Variants in LIF observed in about 807,000 individuals in gnomAD.
The protein encoded by LIF is LIF interleukin 6 family cytokine.
Under a neutral mutation model 15.0 loss-of-function variants are expected in LIF, and 9 were observed. The ratio of observed to expected loss-of-function variants is 0.60; its 90% CI spans 0.36 to 1.04. The LOEUF is 1.04. LIF is among the 50% of genes least tolerant of loss of function. The pLI, the probability that LIF is intolerant of heterozygous loss-of-function variation, is 0.01. For synonymous variants in LIF, 122 were observed against 119.7 expected, an observed-to-expected ratio of 1.02 and a Z score of -0.13; for missense variants, 240 against 266.7, an observed-to-expected ratio of 0.90 and a Z score of 0.70.
chr22:30,246,757 C>G lies in LIF; in HGVS notation c.-62G>C. On this transcript the variant is annotated 5_prime_UTR_variant, in exon 1 of 3. The change abolishes an upstream ATG in the 5' untranslated region. Transcript: ENST00000249075. ...CAGATGCCGGCAGTTTTCAGAGGTT[C>G]ATGCTCAAATGGGGAATTTGCCTGA... is the stretch of plus-strand genomic sequence containing the variant. 6.5e-7 allele frequency: 1 copy of G among 1,534,176 alleles called. No individual in the cohort carries two copies. The highest frequency in any genetic ancestry group is 8.8e-7 in the Non-Finnish European group (1 of 1,131,534).
rs368411105 is a variant in LIF, at chr22:30,243,701, G to A, written c.559C>T (p.Leu187Phe). The A allele has an allele frequency of 2.5e-6, 4 of 1,614,150 alleles. No homozygotes were observed. The highest frequency in any genetic ancestry group is 2.7e-5 in the African/African-American group (2 of 74,950). The part of the protein sequence containing the change: ...VFQKKKLGCQ[L>F]LGKYKQIIAV... Reference sequence around the variant, plus strand: ...ATGATCTGCTTATACTTCCCCAGGAGTTGACAGCCCAGCTTCTTCTTCTGG... The same window carrying A: ...ATGATCTGCTTATACTTCCCCAGGAATTGACAGCCCAGCTTCTTCTTCTGG... Residue 187 changes from leucine to phenylalanine, a missense_variant, in exon 3 of 3, where the codon CTC (leucine) becomes TTC (phenylalanine). Coordinates refer to ENST00000249075, the MANE Select transcript of LIF (RefSeq NM_002309.5). The surrounding 1 kb of genome is among the most constrained non-coding windows in gnomAD (Gnocchi z 6.0).
intron 1 of LIF, chr22:30,246,055 C>T (rs1928876845): frequency 2.0e-5 from 3 of 152,436 alleles, no homozygotes; most frequent in Non-Finnish European, 4.4e-5. Flanking sequence ...ACAGCGGGGA[C>T]AGGGGCCTCC....
intron 1 of LIF, 57 bp downstream of exon 1, chr22:30,246,620 G>C: frequency 2.6e-6 from 4 of 1,537,780 alleles, no homozygotes; most frequent in Non-Finnish European, 3.5e-6. Context: ...AGCGCCCCAA[G>C]TTGCCGCCGC....
At chr22:30,244,554 T>G (rs1191981399) in intron 2 of LIF, among the ~76,000 whole-genome samples, 1 of 152,120 alleles carries the variant, frequency 6.6e-6, no homozygotes, top group East Asian at 1.9e-4. Flanking sequence ...CTCCCCTTGC[T>G]AACTGGGCAC....
In LIF at chr22:30,244,786, T is replaced by C. The variant is rs780802848; in HGVS notation, c.167A>G (p.Asn56Ser). The C allele has an allele frequency of 1.9e-6, 3 of 1,614,170 alleles. No individual in the cohort carries two copies. The highest frequency in any genetic ancestry group is 1.7e-6 in the Non-Finnish European group (2 of 1,179,982). ...AATAAAGAGGGCATTGGCACTGCCA[T>C]TGAGCTGTGCCAGTTGGCTCCTGAT... ...NQIRSQLAQL[N>S]GSANALFILY... The change falls in exon 2 of 3, where the codon AAT becomes AGT. Residue 56 changes from asparagine (N) to serine (S), a missense_variant. By Grantham distance (46) the Asn-to-Ser change is conservative (BLOSUM62 1). Coordinates refer to ENST00000249075, the MANE Select transcript of LIF (RefSeq NM_002309.5).
chr22:30,240,945 G>A lies in LIF; in HGVS notation c.*2706C>T, dbSNP rs1422389971. ...GAGGAGAGACAAGTAAACTAGCAGT[G>A]CTTTTTAAAAAAATGTTTAAATAAT... is the stretch of plus-strand genomic sequence containing the variant. On this transcript the variant is annotated 3_prime_UTR_variant, in exon 3 of 3. Coordinates refer to ENST00000249075, the MANE Select transcript of LIF (RefSeq NM_002309.5). The A allele has an allele frequency of 6.6e-6, 1 of 152,206 alleles. No individual in the cohort carries two copies. The highest frequency in any genetic ancestry group is 1.5e-5 in the Non-Finnish European group (1 of 68,052). 9.4% of individuals were successfully genotyped at this position (152,206 alleles called of 1,614,324 possible). A position where few individuals can be genotyped will look rare whatever the true frequency, so the allele number is the denominator to read the frequency against.
Position 30,243,582 on chromosome 22 carries a change from G to C in LIF, c.*69C>G. 6.2e-7 allele frequency: 1 copy of C among 1,600,390 alleles called. No individual in the cohort carries two copies. Among genetic ancestry groups the C allele is most frequent in the Non-Finnish European group, 8.5e-7 (1 of 1,170,380 alleles). ...GATGCCCTGGGCCCCAGCCACCCTT[G>C]GACAGGCCCCCACATCTGGACCCAA... On this transcript the variant is annotated 3_prime_UTR_variant, in exon 3 of 3. Coordinates refer to ENST00000249075, the MANE Select transcript of LIF (RefSeq NM_002309.5). This position sits in a 1 kb window ranked among gnomAD's most constrained non-coding sequence, Gnocchi z 6.0.
Position 30,242,685 on chromosome 22 carries a change from G to C in LIF, c.*966C>G, listed in dbSNP as rs1424319315. The C allele has an allele frequency of 6.5e-6, 1 of 152,694 alleles. No homozygotes were observed. Among genetic ancestry groups the C allele is most frequent in the Non-Finnish European group, 1.5e-5 (1 of 68,038 alleles). The allele number at this position is 152,694 out of a possible 1,614,324, so 9.5% of individuals were successfully genotyped here. A position where few individuals can be genotyped will look rare whatever the true frequency, so the allele number is the denominator to read the frequency against. On this transcript the variant is annotated 3_prime_UTR_variant, in exon 3 of 3. Coordinates refer to ENST00000249075, the MANE Select transcript of LIF (RefSeq NM_002309.5). ...TGCTGTTCCCTTGCCCTGGGGACCA[G>C]AGACGGCCTCCAGTCCCCCTCAAGT...
intron 1 of LIF, among the ~76,000 whole-genome samples, 200 bp from the exon 2 acceptor site, chr22:30,245,133 G>A (rs1928833671): frequency 6.6e-6 from 1 of 152,142 alleles, no homozygotes; most frequent in Non-Finnish European, 1.5e-5. Flanking sequence ...CTCTACCTTA[G>A]TTCTCCCTGC....
chr22:30,246,600 C>G, intron 1 of LIF, 77 bp downstream of exon 1: 1 of 1,518,924 alleles, frequency 6.6e-7, no homozygotes, highest in Non-Finnish European at 8.8e-7. Flanking sequence ...GCGTCCGGCT[C>G]GCGCTGCCAA....
At position 30,244,818 on chromosome 22, in the gene LIF, C is replaced by G; in HGVS notation, c.135G>C (p.Met45Ile). 1 of 1,614,192 alleles carries G rather than the reference C, an allele frequency of 6.2e-7. No individual in the cohort carries two copies. The highest frequency in any genetic ancestry group is 8.5e-7 in the Non-Finnish European group (1 of 1,180,026). ...GTGCCAGTTGGCTCCTGATCTGGTT[C>G]ATGAGGTTGTTGTGACATGGGTGGC... ...AIRHPCHNNLMNQIRSQLAQL... is the reference protein window; with the variant it reads ...AIRHPCHNNLINQIRSQLAQL... Residue 45 changes from methionine (M) to isoleucine (I), a missense_variant, in exon 2 of 3, where the codon ATG (methionine) becomes ATC (isoleucine). Transcript: ENST00000249075.
rs1253076471 is a variant in LIF, at chr22:30,243,354, G to A, written c.*297C>T. On this transcript the variant is annotated 3_prime_UTR_variant, in exon 3 of 3. Coordinates refer to ENST00000249075, the MANE Select transcript of LIF (RefSeq NM_002309.5). The surrounding 1 kb of genome is among the most constrained non-coding windows in gnomAD (Gnocchi z 6.0). The stretch of plus-strand genomic sequence containing the variant: ...GTAGTTTGTTCACTGCACAAAGTGA[G>A]CAAGGGGCCAAAGGGACAAGTAGAG... 1 of 507,322 alleles carries A rather than the reference G, an allele frequency of 2.0e-6. No individual in the cohort carries two copies. Among genetic ancestry groups the A allele is most frequent in the African/African-American group, 1.9e-5 (1 of 51,768 alleles). 31.4% of individuals were successfully genotyped at this position (507,322 alleles called of 1,614,324 possible). A position where few individuals can be genotyped will look rare whatever the true frequency, so the allele number is the denominator to read the frequency against.
Position 30,244,872 on chromosome 22 carries a change from G to T in LIF, c.81C>A (p.Ile27=). 6.2e-7 allele frequency: 1 copy of T among 1,614,176 alleles called. No homozygotes were observed. The highest frequency in any genetic ancestry group is 8.5e-7 in the Non-Finnish European group (1 of 1,179,986). Residue 27 remains isoleucine (I), a synonymous_variant, in exon 2 of 3, where the codon ATC becomes ATA. Transcript: ENST00000249075. ...WKHGAGSPLP[I]TPVNATCAIR... is the part of the protein sequence containing the mutation. ...TGGCACAGGTGGCGTTGACAGGGGT[G>T]ATGGGGAGGGGGCTCCCCGCCCCAT...
intron 1 of LIF, among the ~76,000 whole-genome samples, chr22:30,245,559 A>T (rs1479430651): frequency 6.8e-6 from 1 of 147,430 alleles, no homozygotes; most frequent in Non-Finnish European, 1.5e-5. Context: ...ATCATCCTCT[A>T]TCTCTTCCTT....
In LIF at chr22:30,243,589, C is replaced by T; in HGVS notation, c.*62G>A. On this transcript the variant is annotated 3_prime_UTR_variant, in exon 3 of 3. Transcript: ENST00000249075. This position sits in a 1 kb window ranked among gnomAD's most constrained non-coding sequence, Gnocchi z 6.0. ...TGGGCCCCAGCCACCCTTGGACAGGCCCCCACATCTGGACCCAACTCCTGA... is the reference window on the plus strand; with the variant it reads ...TGGGCCCCAGCCACCCTTGGACAGGTCCCCACATCTGGACCCAACTCCTGA... 3 of 1,605,182 alleles carry T rather than the reference C, an allele frequency of 1.9e-6. No homozygotes were observed. The highest frequency in any genetic ancestry group is 1.1e-5 in the South Asian group (1 of 90,844).
chr22:30,245,814 T>C (rs2123836041), intron 1 of LIF, among the ~76,000 whole-genome samples: 1 of 152,142 alleles, frequency 6.6e-6, no homozygotes, highest in East Asian at 1.9e-4. Context: ...CAAAAGGTCA[T>C]AGGCAGTCGG....
rs1928722767 is a variant in LIF, at chr22:30,242,779, C to A, written c.*872G>T. The A allele has an allele frequency of 6.5e-6, 1 of 152,764 alleles. No homozygotes were observed. Among genetic ancestry groups the A allele is most frequent in the African/African-American group, 2.4e-5 (1 of 41,368 alleles). 9.5% of individuals were successfully genotyped at this position (152,764 alleles called of 1,614,324 possible). ...AGCTGCTACTCTGAGCTACCCCAGC[C>A]CCTTCTTACAGACCTTTACCCAGAG... On this transcript the variant is annotated 3_prime_UTR_variant, in exon 3 of 3. Coordinates refer to ENST00000249075, the MANE Select transcript of LIF (RefSeq NM_002309.5).
intron 1 of LIF, chr22:30,246,358 A>G: frequency 1.8e-6 from 1 of 560,978 alleles, no homozygotes; most frequent in Non-Finnish European, 2.5e-6. Flanking sequence ...TCTGGGAGAA[A>G]GCGCAGAGGG....
In LIF at chr22:30,244,747, T is replaced by A; in HGVS notation, c.198+8A>T. 1 of 1,612,572 alleles carries A rather than the reference T, an allele frequency of 6.2e-7. No homozygotes were observed. The highest frequency in any genetic ancestry group is 8.5e-7 in the Non-Finnish European group (1 of 1,178,712). ...CCATCTCCTGTCAGTATCCCAGGGGTAACTTACATAGAGAATAAAGAGGGC... is the reference window on the plus strand; with the variant it reads ...CCATCTCCTGTCAGTATCCCAGGGGAAACTTACATAGAGAATAAAGAGGGC... On this transcript the variant is annotated splice_region_variant and intron_variant, in intron 2 of 2. Transcript: ENST00000249075.
Sources: allele counts gnomAD v4.1 joint callset (sites outside exome capture counted in the v4.1 genomes callset), GRCh38; gene constraint gnomAD v4.1.1; non-coding constraint Gnocchi (gnomAD v3.1); transcripts MANE v1.5; gene names NCBI Gene and HGNC (gene_info 2026-07-23, HGNC 2026-07-21).